Variants in LEPR observed in about 807,000 individuals in gnomAD.
The protein encoded by LEPR is OB receptor.
A neutral mutation model predicts 114.7 loss-of-function variants in LEPR; 56 were observed. The observed-to-expected ratio is 0.49, with a 90% CI of 0.39 to 0.61. The LOEUF is 0.61. LEPR is among the 20% of genes least tolerant of loss of function. The pLI, the probability that LEPR is intolerant of heterozygous loss-of-function variation, is 0.00. For synonymous variants in LEPR, 443 were observed against 461.4 expected (o/e 0.96, Z 0.51); for missense variants, 1,202 against 1,352.9 (o/e 0.89, Z 1.75).
chr1:65,564,543 G>A lies in LEPR; in HGVS notation c.-20-1003G>A, dbSNP rs532680737. ...TTGCTCATGCTGGGAGCTGTAGACC[G>A]GAGCTGTTCCTATTCGGCCATCTTG... On this transcript the variant is annotated intron_variant, in intron 2 of 19. Coordinates refer to ENST00000349533, the MANE Select transcript of LEPR (RefSeq NM_002303.6). Among the ~76,000 whole-genome samples, 27 of 91,920 alleles carry A rather than the reference G, an allele frequency of 2.9e-4. 2 individuals carry two copies. The highest frequency in any genetic ancestry group is 1.2e-3 in the South Asian group (3 of 2,460). The allele number at this position is 91,920 out of a possible 152,430, so 60.3% of individuals were successfully genotyped here.
chr1:65,448,433 G>T (rs1417698533), intron 2 of LEPR, among the ~76,000 whole-genome samples: 1 of 152,096 alleles, frequency 6.6e-6, no homozygotes, highest in East Asian at 1.9e-4. Flanking sequence ...CTAATATCTT[G>T]TTGAGGATTT....
At chr1:65,565,754 T>C (rs749250238) in intron 3 of LEPR, 149 bp downstream of exon 3, 89 of 1,095,014 alleles carry the variant, frequency 8.1e-5, no homozygotes, top group Non-Finnish European at 1.1e-4. Context: ...ATGCAAACCA[T>C]AGTATAGGTG....
At chr1:65,500,219 T>C (rs1458425286) in intron 2 of LEPR, among the ~76,000 whole-genome samples, 1 of 152,130 alleles carries the variant, frequency 6.6e-6, no homozygotes, top group Non-Finnish European at 1.5e-5. Context: ...CTCTTTTCTT[T>C]ATAAATAACC....
intron 2 of LEPR, among the ~76,000 whole-genome samples, chr1:65,448,128 A>G (rs576493739): frequency 1.3e-5 from 2 of 152,292 alleles, no homozygotes; most frequent in African/African-American, 2.4e-5. Flanking sequence ...CATGCTTCTT[A>G]TCATTAAGTA....
intron 2 of LEPR, among the ~76,000 whole-genome samples, chr1:65,546,432 A>C (rs1470529035): frequency 6.6e-6 from 1 of 152,052 alleles, no homozygotes; most frequent in Non-Finnish European, 1.5e-5. Context: ...GATTCTTCCT[A>C]CCCATGAGCA....
chr1:65,596,366 AT>A, intron 6 of LEPR, 81 bp from the exon 7 acceptor site: 1 of 1,549,536 alleles, frequency 6.5e-7, no homozygotes. Context: ...TATGATGAAA[AT>A]TTATCTTGAC....
At position 65,425,468 on chromosome 1, in the gene LEPR, C is replaced by G. The variant is rs1646342526; in HGVS notation, c.-21+90C>G. The stretch of plus-strand genomic sequence containing the variant: ...TTAGAGAGTTCGGTCAATTTAGCAC[C>G]AAGTTCTAACCAGTGAGTTAGTGGA... On this transcript the variant is annotated intron_variant, in intron 2 of 19. Transcript: ENST00000349533. 3.6e-6 allele frequency: 4 copies of G among 1,104,178 alleles called. No homozygotes were observed. The South Asian group carries it at 6.4e-5, about 18-fold the overall frequency. The allele number at this position is 1,104,178 out of a possible 1,614,324, so 68.4% of individuals were successfully genotyped here. A position where few individuals can be genotyped will look rare whatever the true frequency, so the allele number is the denominator to read the frequency against.
intron 15 of LEPR, among the ~76,000 whole-genome samples, chr1:65,617,473 G>C (rs1172102068): frequency 6.6e-6 from 1 of 152,198 alleles, no homozygotes; most frequent in African/African-American, 2.4e-5. Context: ...GAAAGACCAG[G>C]GTGGCTTTGG....
At chr1:65,604,705 C>T (rs535680713) in intron 10 of LEPR, among the ~76,000 whole-genome samples, 70 of 152,326 alleles carry the variant, frequency 4.6e-4, no homozygotes, top group African/African-American at 1.6e-3. Flanking sequence ...GGCCACAAAG[C>T]GGGAGGTGAG....
intron 2 of LEPR, among the ~76,000 whole-genome samples, chr1:65,426,801 A>T (rs948408184): frequency 2.6e-5 from 4 of 152,086 alleles, no homozygotes; most frequent in African/African-American, 9.7e-5. Context: ...GATCGAGACC[A>T]TCCTAGGCAA....
intron 2 of LEPR, among the ~76,000 whole-genome samples, chr1:65,543,475 A>G (rs1169460790): frequency 6.6e-6 from 1 of 151,920 alleles, no homozygotes; most frequent in Non-Finnish European, 1.5e-5. Context: ...TAGTTTAATT[A>G]TATCCCATTT....
At chr1:65,579,284 A>G (rs952734855) in intron 5 of LEPR, among the ~76,000 whole-genome samples, 2 of 152,212 alleles carry the variant, frequency 1.3e-5, no homozygotes, top group African/African-American at 4.8e-5. Context: ...TGGATAATGA[A>G]TGTCCCAGGG....
chr1:65,455,082 T>C (rs1288893423), intron 2 of LEPR, among the ~76,000 whole-genome samples: 2 of 152,232 alleles, frequency 1.3e-5, no homozygotes, highest in Non-Finnish European at 2.9e-5. Context: ...CATCGGCTCC[T>C]GAGGCTTCTG....
intron 5 of LEPR, chr1:65,576,904 T>A (rs866414439): frequency 2.8e-6 from 1 of 354,614 alleles, no homozygotes; most frequent in African/African-American, 2.2e-5. Context: ...CAGATATCCA[T>A]GCCAGTATCA....
chr1:65,570,916 G>A, intron 4 of LEPR, 114 bp downstream of exon 4: 5 of 875,442 alleles, frequency 5.7e-6, no homozygotes, highest in South Asian at 3.8e-5. Context: ...ATTTTTATAT[G>A]GATAATAAAA....
At chr1:65,598,095 C>CTTTTATTTTTTT (rs1656194091) in intron 7 of LEPR, among the ~76,000 whole-genome samples, 1 of 101,490 alleles carries the variant, frequency 9.9e-6, no homozygotes, top group African/African-American at 4.4e-5. Context: ...CCTCCTGCCT[C>CTTTTATTTTTTT]TTTTTTTTTT....
intron 2 of LEPR, among the ~76,000 whole-genome samples, chr1:65,536,861 C>T (rs988849886): frequency 1.3e-5 from 2 of 151,998 alleles, no homozygotes; most frequent in Non-Finnish European, 2.9e-5. Flanking sequence ...AATTTTGATG[C>T]GGCTTTTAAC....
intron 5 of LEPR, among the ~76,000 whole-genome samples, chr1:65,591,861 T>C (rs1218633104): frequency 6.6e-6 from 1 of 152,002 alleles, no homozygotes; most frequent in Non-Finnish European, 1.5e-5. Context: ...TCTTTTCTTA[T>C]CCTATTTTAT....
At chr1:65,484,733 A>T (rs762598173) in intron 2 of LEPR, among the ~76,000 whole-genome samples, 2 of 152,188 alleles carry the variant, frequency 1.3e-5, no homozygotes, top group Non-Finnish European at 2.9e-5. Context: ...ACCCAAAGAG[A>T]TCATATTTTG....
Sources: allele counts gnomAD v4.1 joint callset (sites outside exome capture counted in the v4.1 genomes callset), GRCh38; gene constraint gnomAD v4.1.1; transcripts MANE v1.5; gene names NCBI Gene and HGNC (gene_info 2026-07-23, HGNC 2026-07-21).